The following OVCH1 variants were observed in gnomAD, a reference collection of about 807,000 sequenced individuals.
The protein encoded by OVCH1 is ovochymase-1.
OVCH1 carries 139 observed loss-of-function variants against 138.4 expected under a neutral mutation model. The ratio of observed to expected loss-of-function variants is 1.00; its 90% CI spans 0.87 to 1.16. The LOEUF is 1.16. OVCH1 is among the 50% of genes most tolerant of loss of function. The pLI is 0.00. For missense variants in OVCH1, 1,367 were observed against 1,357.9 expected, an observed-to-expected ratio of 1.01 and a Z score of -0.11; for synonymous variants, 453 against 467.8, an observed-to-expected ratio of 0.97 and a Z score of 0.41.
chr12:29,455,805 C>A (rs1298826080), intron 19 of OVCH1, among the ~76,000 whole-genome samples: 1 of 152,196 alleles, frequency 6.6e-6, no homozygotes, highest in Non-Finnish European at 1.5e-5. Context: ...GGATCCATCA[C>A]AAGAAATGTG....
At chr12:29,427,049 T>C (rs1198953475), downstream of OVCH1, among the ~76,000 whole-genome samples, 6 of 152,324 alleles carry the variant, frequency 3.9e-5, no homozygotes, top group South Asian at 4.1e-4. Context: ...TCAAAACTTA[T>C]GATGACCTCC....
Position 29,433,707 on chromosome 12 carries a change from G to C in OVCH1, c.3327+44C>G. ...TCTGAATAATTCTCGGTTTAAATGTGAGATTTTTTTCTATTTTATGTTAGT... is the reference window on the plus strand; with the variant it reads ...TCTGAATAATTCTCGGTTTAAATGTCAGATTTTTTTCTATTTTATGTTAGT... On this transcript the variant is annotated intron_variant, in intron 27 of 27. Coordinates refer to ENST00000318184, the Ensembl canonical transcript of OVCH1. 3.6e-6 allele frequency: 5 copies of C among 1,397,104 alleles called. No homozygotes were observed. In the South Asian group the frequency reaches 6.9e-5, roughly 19 times the overall value. 86.5% of individuals were successfully genotyped at this position (1,397,104 alleles called of 1,614,324 possible). A position where few individuals can be genotyped will look rare whatever the true frequency, so the allele number is the denominator to read the frequency against.
downstream of OVCH1, among the ~76,000 whole-genome samples, chr12:29,422,592 CTA>C (rs1221440295): frequency 6.6e-6 from 1 of 152,134 alleles, no homozygotes; most frequent in Non-Finnish European, 1.5e-5. Flanking sequence ...AAGATGAAGA[CTA>C]TATCAGTGGG....
At chr12:29,430,805 A>G in intron 27 of OVCH1, 1 of 465,252 alleles carries the variant, frequency 2.1e-6, no homozygotes, top group Non-Finnish European at 4.3e-6. Flanking sequence ...CCAGATTAAC[A>G]CCCTCCCTTG....
chr12:29,461,861 A>T, exon 19 of OVCH1: 1 of 1,613,816 alleles, frequency 6.2e-7, no homozygotes, highest in Non-Finnish European at 8.5e-7. Context: ...CACCTGGCAG[A>T]AATCTTTCTC....
intron 16 of OVCH1, among the ~76,000 whole-genome samples, chr12:29,467,529 T>C (rs1355079901): frequency 3.9e-5 from 6 of 152,182 alleles, no homozygotes; most frequent in Non-Finnish European, 8.8e-5. Flanking sequence ...CTTAGGATCT[T>C]ATACCCAACC....
intron 27 of OVCH1, among the ~76,000 whole-genome samples, chr12:29,431,163 A>G (rs1941260993): frequency 1.3e-5 from 2 of 152,186 alleles, no homozygotes; most frequent in African/African-American, 4.8e-5. Context: ...TGTGTTGGGT[A>G]TGGTGGTTCA....
At chr12:29,445,683 G>C (rs10161540) in intron 22 of OVCH1, among the ~76,000 whole-genome samples, 30,386 of 151,888 alleles carry the variant, frequency 0.2, 3,791 homozygotes, top group African/African-American at 0.36. Context: ...ATTATTTTAT[G>C]TTTAAAATGA....
chr12:29,414,162 A>C (rs566131263), intron 3 of OVCH1, among the ~76,000 whole-genome samples: 1 of 151,624 alleles, frequency 6.6e-6, no homozygotes, highest in South Asian at 2.1e-4. Context: ...AGTAGCTGGG[A>C]TTACAGGAGC....
At chr12:29,426,723 C>T (rs1279218765), downstream of OVCH1, among the ~76,000 whole-genome samples, 1 of 152,160 alleles carries the variant, frequency 6.6e-6, no homozygotes, top group African/African-American at 2.4e-5. Context: ...ATTCTATCTC[C>T]AGATCTGTCT....
chr12:29,450,040 G>T (rs753781842), intron 22 of OVCH1, among the ~76,000 whole-genome samples: 8 of 152,026 alleles, frequency 5.3e-5, no homozygotes, highest in African/African-American at 1.9e-4. Context: ...AGACTTAAAC[G>T]TAAGACCTAA....
rs1459655558 is a variant in OVCH1, at chr12:29,479,812, ACT to A, written c.996-906_996-905del. Among the ~76,000 whole-genome samples, 17 of 146,174 alleles carry A rather than the reference ACT, an allele frequency of 1.2e-4. No individual in the cohort carries two copies. The East Asian group carries it at 2.7e-3, about 23-fold the overall frequency. On this transcript the variant is annotated intron_variant, in intron 8 of 27. Transcript: ENST00000318184. ...TTTTAACCGGACATCTTAATTGGCA[ACT>A]CTTTTTTTTCTTTTTTTTTTTTTTT...
At chr12:29,423,574 G>A (rs191593425), downstream of OVCH1, among the ~76,000 whole-genome samples, 1 of 152,256 alleles carries the variant, frequency 6.6e-6, no homozygotes, top group East Asian at 1.9e-4. Context: ...AGGAAAAAAG[G>A]GCATTTGCGC....
chr12:29,455,515 T>G (rs1197453338), intron 19 of OVCH1, 110 bp from the exon 20 acceptor site: 38 of 1,251,760 alleles, frequency 3.0e-5, no homozygotes, highest in Non-Finnish European at 3.9e-5. Context: ...GTTTAATTCC[T>G]TAAAGATTTG....
At chr12:29,485,368 T>C (rs975456359) in intron 8 of OVCH1, among the ~76,000 whole-genome samples, 5 of 147,770 alleles carry the variant, frequency 3.4e-5, no homozygotes, top group Non-Finnish European at 7.4e-5. Flanking sequence ...GGTGCAGTGG[T>C]TCACGCCTGT....
chr12:29,476,994 A>G (rs904544814), intron 12 of OVCH1, 108 bp downstream of exon 12: 1 of 1,298,296 alleles, frequency 7.7e-7, no homozygotes, highest in African/African-American at 1.5e-5. Context: ...AAATGGCTAA[A>G]AGAAGCTCCT....
chr12:29,454,856 T>C lies in OVCH1; in HGVS notation c.2515A>G (p.Ser839Gly). 3 of 1,610,242 alleles carry C rather than the reference T, an allele frequency of 1.9e-6. No individual in the cohort carries two copies. The South Asian group carries it at 3.3e-5, about 18-fold the overall frequency. Residue 839 changes from serine (S) to glycine (G), a missense_variant, in exon 21 of 28, where the codon AGT becomes GGT. By Grantham distance (56) the Ser-to-Gly change is moderately conservative. Transcript: ENST00000318184. Reference sequence around the variant, plus strand: ...CATTTATTACCTGGCCAAGATGCACTGTCTGGTGAAGGTGTGGGTGGTGGC... The same window carrying C: ...CATTTATTACCTGGCCAAGATGCACCGTCTGGTGAAGGTGTGGGTGGTGGC...
chr12:29,484,597 C>T (rs1943035134), intron 8 of OVCH1, among the ~76,000 whole-genome samples, 116 bp downstream of exon 9: 1 of 152,058 alleles, frequency 6.6e-6, no homozygotes, highest in Non-Finnish European at 1.5e-5. Context: ...TGAGCCCAGC[C>T]TGGGCAACGT....
chr12:29,477,340 C>T lies in OVCH1; in HGVS notation c.1246+1G>A, dbSNP rs781199550. 23 of 1,613,966 alleles carry T rather than the reference C, an allele frequency of 1.4e-5. No homozygotes were observed. Among genetic ancestry groups the T allele is most frequent in the Admixed American group, 1.2e-4 (7 of 60,004 alleles). ...AGGAATTAAATACCTGAAACACTCA[C>T]CTGCTTCTGACTTCTGTACAGCAGT... On this transcript the variant is annotated splice_donor_variant, in intron 11 of 27. Transcript: ENST00000318184. LOFTEE classifies it high-confidence loss of function.
Sources: allele counts gnomAD v4.1 joint callset (sites outside exome capture counted in the v4.1 genomes callset), GRCh38; gene constraint gnomAD v4.1.1; transcripts MANE v1.5; gene names NCBI Gene and HGNC (gene_info 2026-07-23, HGNC 2026-07-21).